Variants in CTNNA3 observed in about 807,000 individuals in gnomAD.
CTNNA3 encodes catenin alpha-3.
In CTNNA3, 76 loss-of-function variants were observed where a neutral mutation model predicts 95.7. The observed-to-expected ratio is 0.79, with a 90% CI of 0.66 to 0.96. The LOEUF (loss-of-function observed/expected upper bound fraction) is 0.96, where lower values mean the gene tolerates loss of function less well. CTNNA3 is among the 40% of genes least tolerant of loss of function. The pLI, the probability that CTNNA3 is intolerant of heterozygous loss-of-function variation, is 0.00. For synonymous variants in CTNNA3, 431 were observed against 374.4 expected (o/e 1.15, Z -1.74); for missense variants, 1,191 against 1,089.8 (o/e 1.09, Z -1.31).
intron 10 of CTNNA3, among the ~76,000 whole-genome samples, chr10:66,606,813 C>T (rs1338793727): frequency 6.6e-6 from 1 of 151,960 alleles, no homozygotes; most frequent in East Asian, 1.9e-4. Flanking sequence ...ATGTCCACAT[C>T]AAAAAGTTAG....
At chr10:67,089,746 T>TGC (rs1857520536) in intron 7 of CTNNA3, among the ~76,000 whole-genome samples, 2 of 151,322 alleles carry the variant, frequency 1.3e-5, no homozygotes, top group African/African-American at 4.9e-5. Context: ...TGTGTGTGTG[T>TGC]GTGTGTGGAC....
At chr10:67,628,217 T>C (rs975129526) in intron 2 of CTNNA3, among the ~76,000 whole-genome samples, 11 of 150,382 alleles carry the variant, frequency 7.3e-5, no homozygotes, top group African/African-American at 1.7e-4. Flanking sequence ...TAAGAAATAG[T>C]AAACGACTTT....
intron 7 of CTNNA3, among the ~76,000 whole-genome samples, chr10:67,112,522 C>A (rs1205449746): frequency 6.6e-6 from 1 of 151,870 alleles, no homozygotes; most frequent in East Asian, 1.9e-4. Context: ...TAAAGGTAAG[C>A]AGAATGGATA....
chr10:67,330,361 G>T (rs569388498), intron 5 of CTNNA3, among the ~76,000 whole-genome samples: 2 of 152,246 alleles, frequency 1.3e-5, no homozygotes, highest in South Asian at 4.1e-4. Flanking sequence ...GCCTGGATTT[G>T]AATACAGTCT....
At chr10:66,896,382 G>T (rs1412023178) in intron 7 of CTNNA3, among the ~76,000 whole-genome samples, 1 of 152,088 alleles carries the variant, frequency 6.6e-6, no homozygotes, top group Non-Finnish European at 1.5e-5. Flanking sequence ...CAAGTTTAGG[G>T]GGTGTGGTTA....
intron 13 of CTNNA3, among the ~76,000 whole-genome samples, chr10:66,132,207 A>G (rs1202168424): frequency 6.6e-6 from 1 of 152,230 alleles, no homozygotes; most frequent in Admixed American, 6.5e-5. Context: ...ATACAAATCT[A>G]TAAGACAAAA....
intron 17 of CTNNA3, among the ~76,000 whole-genome samples, chr10:65,938,942 G>C (rs960720160): frequency 6.7e-6 from 1 of 150,024 alleles, no homozygotes; most frequent in Admixed American, 6.7e-5. Context: ...TCGCTCTGTC[G>C]CCCAGGCTGG....
chr10:66,481,233 G>A (rs746862428), intron 11 of CTNNA3, among the ~76,000 whole-genome samples: 4 of 151,918 alleles, frequency 2.6e-5, no homozygotes, highest in Non-Finnish European at 5.9e-5. Flanking sequence ...AGCACTGAGA[G>A]GGTATTTAAA....
intron 12 of CTNNA3, among the ~76,000 whole-genome samples, chr10:66,334,970 T>G (rs1432897638): frequency 6.6e-6 from 1 of 152,108 alleles, no homozygotes; most frequent in Non-Finnish European, 1.5e-5. Context: ...CTCGCTTCAT[T>G]TTATTCATTT....
At chr10:66,918,033 A>T (rs1409712981) in intron 7 of CTNNA3, among the ~76,000 whole-genome samples, 1 of 152,234 alleles carries the variant, frequency 6.6e-6, no homozygotes, top group Non-Finnish European at 1.5e-5. Context: ...CTCTGGTGCC[A>T]CATGTTTCTT....
intron 7 of CTNNA3, among the ~76,000 whole-genome samples, chr10:66,818,400 T>G (rs1346789176): frequency 6.6e-6 from 1 of 152,194 alleles, no homozygotes; most frequent in Admixed American, 6.6e-5. Context: ...GACAAACTAT[T>G]TATGATAATA....
At chr10:66,844,044 C>G (rs903971137) in intron 7 of CTNNA3, among the ~76,000 whole-genome samples, 9 of 152,122 alleles carry the variant, frequency 5.9e-5, no homozygotes, top group Non-Finnish European at 4.4e-5. Context: ...TGCCTCTTGT[C>G]GGAAAATACC....
intron 1 of CTNNA3, among the ~76,000 whole-genome samples, chr10:67,675,297 G>A (rs1041275144): frequency 2.6e-5 from 4 of 152,016 alleles, no homozygotes; most frequent in Non-Finnish European, 5.9e-5. Flanking sequence ...CTACCACTGA[G>A]GTTTAGAACT....
intron 7 of CTNNA3, among the ~76,000 whole-genome samples, chr10:67,162,595 T>C (rs909735510): frequency 2.0e-5 from 3 of 151,428 alleles, no homozygotes; most frequent in Admixed American, 6.6e-5. Context: ...TAATCATCTA[T>C]CTCAAAAATC....
chr10:66,213,076 A>T (rs1380017159), intron 13 of CTNNA3, among the ~76,000 whole-genome samples: 1 of 152,174 alleles, frequency 6.6e-6, no homozygotes, highest in Non-Finnish European at 1.5e-5. Flanking sequence ...GTATTAAGAC[A>T]TATTAATGTA....
At chr10:67,260,014 A>C (rs1285028310) in intron 5 of CTNNA3, among the ~76,000 whole-genome samples, 1 of 152,218 alleles carries the variant, frequency 6.6e-6, no homozygotes, top group Non-Finnish European at 1.5e-5. Context: ...TTTCTTCAGC[A>C]GTCCTTTACT....
Position 66,555,068 on chromosome 10 carries a change from T to C in CTNNA3, c.1375-34295A>G, listed in dbSNP as rs1017636292. Reference sequence around the variant, plus strand: ...GTTCTGGGCATTATTAACACATGACTGTCTTAGTCCAAGTTCAGGGTGTGG... The same window carrying C: ...GTTCTGGGCATTATTAACACATGACCGTCTTAGTCCAAGTTCAGGGTGTGG... On this transcript the variant is annotated intron_variant, in intron 10 of 17. Coordinates refer to ENST00000433211, the MANE Select transcript of CTNNA3 (RefSeq NM_013266.4). Among the ~76,000 whole-genome samples, 10 of 152,276 alleles carry C rather than the reference T, an allele frequency of 6.6e-5. No homozygotes were observed. In the East Asian group the frequency reaches 1.5e-3, roughly 24 times the overall value.
chr10:67,758,323 TACACAC>T (rs3059974), intron 1 of CTNNA3, among the ~76,000 whole-genome samples: 1,512 of 143,402 alleles, frequency 0.011, 31 homozygotes, highest in African/African-American at 0.034. Context: ...TAAATATATA[TACACAC>T]ACACACACAC....
intron 10 of CTNNA3, among the ~76,000 whole-genome samples, chr10:66,547,030 T>G (rs966519907): frequency 6.6e-6 from 1 of 152,122 alleles, no homozygotes; most frequent in Non-Finnish European, 1.5e-5. Context: ...CCATTTTGGG[T>G]TGTCTGGAGA....
Sources: gnomAD v4.1 joint callset for allele counts (sites outside exome capture counted in the v4.1 genomes callset) on GRCh38, gnomAD v4.1.1 for gene constraint, MANE v1.5 for transcripts, NCBI Gene and HGNC (gene_info 2026-07-23, HGNC 2026-07-21) for gene names.